RARB: variants seen among roughly 807,000 people sequenced by gnomAD.
The protein encoded by RARB is retinoic acid receptor beta, also known as HBV-activated protein.
RARB carries 17 observed loss-of-function variants against 51.9 expected under a neutral mutation model. The ratio of observed to expected loss-of-function variants is 0.33; its 90% CI spans 0.22 to 0.49. RARB has a LOEUF of 0.49. RARB is among the 20% of genes least tolerant of loss of function. RARB has a pLI of 0.99. For synonymous variants in RARB, 215 were observed against 195.4 expected, an observed-to-expected ratio of 1.10 and a Z score of -0.84; for missense variants, 369 against 550.8, an observed-to-expected ratio of 0.67 and a Z score of 3.30.
intron 5 of RARB, among the ~76,000 whole-genome samples, chr3:25,392,612 G>A (rs1334160750): frequency 2.6e-5 from 4 of 151,918 alleles, no homozygotes; most frequent in Non-Finnish European, 5.9e-5. Flanking sequence ...CCACATCCTT[G>A]GTTAGCTATA....
At chr3:24,831,271 A>T (rs1295343625) in intron 1 of RARB, among the ~76,000 whole-genome samples, 1 of 152,238 alleles carries the variant, frequency 6.6e-6, no homozygotes, top group Non-Finnish European at 1.5e-5. Flanking sequence ...CAAGAAAATG[A>T]AGGCTTTACA....
intron 5 of RARB, among the ~76,000 whole-genome samples, chr3:25,339,220 C>T (rs1007219429): frequency 5.3e-5 from 8 of 152,182 alleles, no homozygotes; most frequent in South Asian, 2.1e-4. Context: ...GAAGTTTAGC[C>T]TAAAGCTGCC....
At chr3:24,947,225 A>T (rs1354908729) in intron 2 of RARB, among the ~76,000 whole-genome samples, 3 of 152,202 alleles carry the variant, frequency 2.0e-5, no homozygotes, top group Admixed American at 6.5e-5. Context: ...TTTATCTTCT[A>T]TGTCTTACTG....
chr3:25,001,748 A>AT (rs1697165177), intron 2 of RARB, among the ~76,000 whole-genome samples: 3 of 152,244 alleles, frequency 2.0e-5, no homozygotes, highest in East Asian at 3.9e-4. Flanking sequence ...TTTGCACATG[A>AT]TTTTTTACTT....
chr3:25,494,253 G>GCGCGCGCACTCACACACACACACA (rs1553623183), intron 2 of RARB, among the ~76,000 whole-genome samples: 19 of 131,852 alleles, frequency 1.4e-4, no homozygotes, highest in African/African-American at 4.4e-4. Context: ...TGTATCTTAC[G>GCGCGCGCACTCACACACACACACA]CACACACACA....
intron 2 of RARB, among the ~76,000 whole-genome samples, chr3:25,466,384 C>T (rs775412137): frequency 9.9e-5 from 15 of 152,056 alleles, no homozygotes; most frequent in East Asian, 1.9e-4. Context: ...TTAGTAGAGA[C>T]GGGGTTACTC....
intron 3 of RARB, among the ~76,000 whole-genome samples, chr3:25,074,886 C>T (rs574082392): frequency 1.2e-4 from 18 of 152,298 alleles, no homozygotes; most frequent in South Asian, 4.1e-4. Context: ...GTGACTTGTA[C>T]GTATTTGGCA....
intron 5 of RARB, among the ~76,000 whole-genome samples, chr3:25,181,446 C>T (rs1436238): frequency 0.47 from 71,603 of 151,972 alleles, 17,663 homozygotes; most frequent in East Asian, 0.7. Flanking sequence ...ATGGTTTTTG[C>T]TGGTGAGGGA....
chr3:25,409,742 T>C (rs1707510288), intron 5 of RARB, among the ~76,000 whole-genome samples: 1 of 152,204 alleles, frequency 6.6e-6, no homozygotes, highest in Non-Finnish European at 1.5e-5. Context: ...TAGGTCCATG[T>C]GCAAGCCAAC....
At chr3:24,957,065 A>C (rs1168219357) in intron 2 of RARB, among the ~76,000 whole-genome samples, 1 of 152,200 alleles carries the variant, frequency 6.6e-6, no homozygotes, top group African/African-American at 2.4e-5. Context: ...GGAGAGGAGT[A>C]ATATTGAACA....
intron 5 of RARB, among the ~76,000 whole-genome samples, chr3:25,291,698 A>G (rs1201267518): frequency 6.6e-6 from 1 of 152,006 alleles, no homozygotes; most frequent in Admixed American, 6.6e-5. Context: ...TAGAAAATCC[A>G]ACCATTCTTT....
At chr3:24,843,746 A>G (rs1559369302) in intron 1 of RARB, among the ~76,000 whole-genome samples, 1 of 152,178 alleles carries the variant, frequency 6.6e-6, no homozygotes, top group Non-Finnish European at 1.5e-5. Context: ...GAAATCTGCA[A>G]TTTAACAAGA....
rs184547985 is a variant in RARB at position 25,187,833 on chromosome 3, T to C, written c.178+13258T>C. The stretch of plus-strand genomic sequence containing the variant: ...AAAATATTTTACCTATGACTTTACA[T>C]TTTGTTACGATGAATTTATTCATAA... On this transcript the variant is annotated intron_variant, in intron 5 of 11. Coordinates refer to the RARB transcript ENST00000383772. Among the ~76,000 whole-genome samples the C allele has an allele frequency of 1.7e-3, 259 of 152,192 alleles. 1 individual carries two copies. Among genetic ancestry groups the C allele is most frequent in the Non-Finnish European group, 2.6e-3 (179 of 67,962 alleles).
At chr3:25,482,075 A>G (rs541326223) in intron 2 of RARB, among the ~76,000 whole-genome samples, 1 of 151,474 alleles carries the variant, frequency 6.6e-6, no homozygotes, top group Non-Finnish European at 1.5e-5. Context: ...CCACTAGACT[A>G]CCTCTGCAAT....
At chr3:25,319,130 G>A (rs1377105376) in intron 5 of RARB, among the ~76,000 whole-genome samples, 1 of 152,078 alleles carries the variant, frequency 6.6e-6, no homozygotes, top group Non-Finnish European at 1.5e-5. Flanking sequence ...TTCTTATATG[G>A]CAAATGATGT....
intron 5 of RARB, among the ~76,000 whole-genome samples, chr3:25,350,551 C>T (rs1705533947): frequency 6.6e-6 from 1 of 152,198 alleles, no homozygotes; most frequent in South Asian, 2.1e-4. Context: ...CTTCATAGCA[C>T]TCACCACTGC....
intron 3 of RARB, among the ~76,000 whole-genome samples, chr3:25,531,469 G>T (rs1237054478): frequency 6.6e-6 from 1 of 152,178 alleles, no homozygotes; most frequent in Non-Finnish European, 1.5e-5. Context: ...GTTTGTGTGT[G>T]TGCGTGCGTG....
chr3:25,407,280 A>G (rs371132421), intron 5 of RARB, among the ~76,000 whole-genome samples: 6 of 152,220 alleles, frequency 3.9e-5, no homozygotes, highest in African/African-American at 7.2e-5. Flanking sequence ...ATGGTAGTCA[A>G]TAAACTTCAG....
chr3:25,097,044 A>G (rs1167677852), intron 3 of RARB, among the ~76,000 whole-genome samples: 1 of 152,178 alleles, frequency 6.6e-6, no homozygotes, highest in Non-Finnish European at 1.5e-5. Context: ...TTTATAGGTT[A>G]TTCCTTTTAG....
Sources: gnomAD v4.1 joint callset for allele counts (sites outside exome capture counted in the v4.1 genomes callset) on GRCh38, gnomAD v4.1.1 for gene constraint, MANE v1.5 for transcripts, NCBI Gene and HGNC (gene_info 2026-07-23, HGNC 2026-07-21) for gene names.